The following LRMDA variants were observed in gnomAD, a reference collection of about 807,000 sequenced individuals.
The protein encoded by LRMDA is leucine-rich melanocyte differentiation-associated protein.
A neutral mutation model predicts 29.8 loss-of-function variants in LRMDA; 18 were observed. The ratio of observed to expected loss-of-function variants is 0.60; its 90% confidence interval spans 0.42 to 0.90. LRMDA has a LOEUF of 0.90. Among genes scored for constraint, LRMDA ranks in the 40% least tolerant of loss-of-function variants. The pLI, the probability that LRMDA is intolerant of heterozygous loss-of-function variation, is 0.00. For missense variants in LRMDA, 273 were observed against 273.9 expected (o/e 1.00, Z 0.02); for synonymous variants, 125 against 109.4 (o/e 1.14, Z -0.89).
At chr10:75,945,464 G>C (rs1280481995) in intron 2 of LRMDA, among the ~76,000 whole-genome samples, 1 of 152,210 alleles carries the variant, frequency 6.6e-6, no homozygotes, top group Non-Finnish European at 1.5e-5. Flanking sequence ...AGAAGAAGCA[G>C]AAAGGTGACT....
chr10:75,564,234 A>G (rs199743858), intron 2 of LRMDA, among the ~76,000 whole-genome samples: 1 of 152,126 alleles, frequency 6.6e-6, no homozygotes, highest in South Asian at 2.1e-4. Context: ...AGCCTGGGCA[A>G]TGGTGGGCGC....
chr10:76,328,753 C>T (rs1840868229), intron 6 of LRMDA, among the ~76,000 whole-genome samples: 1 of 152,194 alleles, frequency 6.6e-6, no homozygotes. Flanking sequence ...TTACTCCTGC[C>T]CTGCCATTCT....
chr10:76,192,630 C>T (rs568864357), intron 5 of LRMDA, among the ~76,000 whole-genome samples: 4 of 152,256 alleles, frequency 2.6e-5, no homozygotes, highest in South Asian at 4.1e-4. Context: ...GTTAAAATTT[C>T]ATTGGCTGGA....
chr10:75,641,954 G>T (rs116148217), intron 2 of LRMDA, among the ~76,000 whole-genome samples: 2,566 of 152,266 alleles, frequency 0.017, 74 homozygotes, highest in African/African-American at 0.058. Context: ...AATAAGTTAT[G>T]ATAAATGTGC....
At chr10:76,048,426 A>T (rs746096434) in intron 4 of LRMDA, among the ~76,000 whole-genome samples, 2 of 152,142 alleles carry the variant, frequency 1.3e-5, no homozygotes, top group Non-Finnish European at 2.9e-5. Context: ...ATTTTTTTCT[A>T]TTCTTTTTTT....
intron 6 of LRMDA, among the ~76,000 whole-genome samples, chr10:76,369,189 T>G (rs1841425742): frequency 6.6e-6 from 1 of 152,174 alleles, no homozygotes; most frequent in South Asian, 2.1e-4. Flanking sequence ...CTTTTTAACT[T>G]GTATTTTTGT....
intron 2 of LRMDA, among the ~76,000 whole-genome samples, chr10:75,752,984 G>C (rs1436257134): frequency 2.0e-5 from 3 of 152,132 alleles, no homozygotes; most frequent in Non-Finnish European, 2.9e-5. Context: ...CTCAGGTTTT[G>C]AGTTTTCTTT....
intron 5 of LRMDA, among the ~76,000 whole-genome samples, chr10:76,203,427 C>A (rs1256181741): frequency 6.6e-6 from 1 of 152,220 alleles, no homozygotes; most frequent in Non-Finnish European, 1.5e-5. Context: ...CAGGCATGAG[C>A]CACTGTCCCT....
chr10:76,344,396 C>T (rs1056763133), intron 6 of LRMDA, among the ~76,000 whole-genome samples: 19 of 152,138 alleles, frequency 1.2e-4, no homozygotes, highest in Non-Finnish European at 2.4e-4. Context: ...CACAAGAATT[C>T]TTGACATTAA....
At chr10:75,984,974 T>G (rs1325743988) in intron 2 of LRMDA, among the ~76,000 whole-genome samples, 1 of 152,228 alleles carries the variant, frequency 6.6e-6, no homozygotes, top group African/African-American at 2.4e-5. Flanking sequence ...TTTGTATTAA[T>G]ACAACAGCAG....
intron 5 of LRMDA, among the ~76,000 whole-genome samples, chr10:76,316,424 C>CT (rs898373121): frequency 1.1e-4 from 16 of 152,074 alleles, no homozygotes; most frequent in African/African-American, 3.6e-4. Flanking sequence ...TCACACACCC[C>CT]TTGCCACTCC....
intron 5 of LRMDA, among the ~76,000 whole-genome samples, chr10:76,171,109 A>G (rs1564674141): frequency 6.6e-6 from 1 of 152,170 alleles, no homozygotes; most frequent in Non-Finnish European, 1.5e-5. Flanking sequence ...GTGCCTAGAG[A>G]AAGAAGCTGG....
At chr10:75,955,898 T>C (rs1402268944) in intron 2 of LRMDA, among the ~76,000 whole-genome samples, 20 of 152,226 alleles carry the variant, frequency 1.3e-4, no homozygotes, top group Admixed American at 1.2e-3. Context: ...TGGGAGTATG[T>C]CTTTATTTTT....
At position 76,241,869 on chromosome 10, in the gene LRMDA, A is replaced by T. The variant is rs1314911710; in HGVS notation, c.517-82532A>T. Among the ~76,000 whole-genome samples, 5 of 152,172 alleles carry T rather than the reference A, an allele frequency of 3.3e-5. No homozygotes were observed. In the South Asian group the frequency reaches 8.3e-4, roughly 25 times the overall value. On this transcript the variant is annotated intron_variant, in intron 5 of 6. Transcript: ENST00000611255. ...TGGCCACAGTCAACATTGCTTCCTT[A>T]TCTGTAAAGTGAGAATAAGAGTACT...
chr10:76,308,249 T>C (rs1840583638), intron 5 of LRMDA, among the ~76,000 whole-genome samples: 1 of 152,164 alleles, frequency 6.6e-6, no homozygotes, highest in Admixed American at 6.5e-5. Flanking sequence ...AAATACTGTC[T>C]TTATTATGCA....
intron 5 of LRMDA, among the ~76,000 whole-genome samples, chr10:76,166,035 A>T (rs571441586): frequency 6.6e-6 from 1 of 152,340 alleles, no homozygotes; most frequent in Non-Finnish European, 1.5e-5. Context: ...GAAGTAAACA[A>T]TGATGGGCAT....
chr10:75,994,953 A>G (rs1847434697), intron 2 of LRMDA, among the ~76,000 whole-genome samples: 1 of 152,034 alleles, frequency 6.6e-6, no homozygotes, highest in Admixed American at 6.5e-5. Flanking sequence ...AATTTTCAAG[A>G]GCAAAGAAAT....
chr10:75,992,559 G>A (rs746795404), intron 2 of LRMDA, among the ~76,000 whole-genome samples: 2 of 152,188 alleles, frequency 1.3e-5, no homozygotes, highest in Non-Finnish European at 2.9e-5. Context: ...GAGCATGTCT[G>A]CCATGCTGTT....
chr10:76,386,962 C>G (rs1281069036), intron 6 of LRMDA, among the ~76,000 whole-genome samples: 1 of 151,982 alleles, frequency 6.6e-6, no homozygotes, highest in Non-Finnish European at 1.5e-5. Context: ...TACTTAAAAA[C>G]TTAAAATGAA....
Sources: gnomAD v4.1 joint callset for allele counts (sites outside exome capture counted in the v4.1 genomes callset) on GRCh38, gnomAD v4.1.1 for gene constraint, MANE v1.5 for transcripts, NCBI Gene and HGNC (gene_info 2026-07-23, HGNC 2026-07-21) for gene names.